Variants in PTK2 observed in about 807,000 individuals in gnomAD.
PTK2 encodes protein tyrosine kinase 2.
PTK2 carries 45 observed loss-of-function variants against 150.1 expected under a neutral mutation model. That is an observed-to-expected ratio of 0.30 (90% CI 0.24 to 0.38). The LOEUF (loss-of-function observed/expected upper bound fraction) is 0.38, where lower values mean the gene tolerates loss of function less well. Ranked by LOEUF, PTK2 falls within the 10% of genes least tolerant of loss-of-function variation. The pLI is 1.00. For synonymous variants in PTK2, 432 were observed against 449.2 expected, an observed-to-expected ratio of 0.96 and a Z score of 0.48; for missense variants, 919 against 1,307.3, an observed-to-expected ratio of 0.70 and a Z score of 4.58.
chr8:140,993,859 A>T (rs964523782), intron 1 of PTK2, among the ~76,000 whole-genome samples: 1 of 152,036 alleles, frequency 6.6e-6, no homozygotes, highest in African/African-American at 2.4e-5. Context: ...CTTCCCAGGT[A>T]GCTGGGACTA....
intron 2 of PTK2, chr8:140,892,659 C>A: frequency 2.4e-6 from 1 of 417,266 alleles, no homozygotes; most frequent in Non-Finnish European, 4.6e-6. Flanking sequence ...GGTATAACAG[C>A]ACAGTAAAAG....
Position 140,770,700 on chromosome 8 carries a change from A to T in PTK2, c.1178-6410T>A, listed in dbSNP as rs1305524126. The T allele has an allele frequency of 7.8e-7, 1 of 1,277,744 alleles. No individual in the cohort carries two copies. The highest frequency in any genetic ancestry group is 1.0e-6 in the Non-Finnish European group (1 of 968,074). 79.2% of individuals were successfully genotyped at this position (1,277,744 alleles called of 1,614,324 possible). A position where few individuals can be genotyped will look rare whatever the true frequency, so the allele number is the denominator to read the frequency against. ...TCTGGTTAATAGGAGAGCCTGTGCAAATATGAGTGCAGTACCCGTAGAAGG... is the reference window on the plus strand; with the variant it reads ...TCTGGTTAATAGGAGAGCCTGTGCATATATGAGTGCAGTACCCGTAGAAGG... On this transcript the variant is annotated intron_variant, in intron 14 of 31. Coordinates refer to ENST00000522684, the Ensembl canonical transcript of PTK2.
chr8:140,968,042 T>A (rs544614319), intron 1 of PTK2, among the ~76,000 whole-genome samples: 2 of 152,286 alleles, frequency 1.3e-5, no homozygotes, highest in Admixed American at 1.3e-4. Flanking sequence ...TAGCCAAAAA[T>A]ATTCTAATAC....
chr8:140,850,666 C>T (rs1462000492), intron 5 of PTK2, among the ~76,000 whole-genome samples: 1 of 151,224 alleles, frequency 6.6e-6, no homozygotes. Context: ...GGAGGCGGAG[C>T]TTGCAGTGAG....
chr8:140,779,831 C>A (rs2100080662), intron 14 of PTK2, among the ~76,000 whole-genome samples: 1 of 151,946 alleles, frequency 6.6e-6, no homozygotes, highest in African/African-American at 2.4e-5. Context: ...TTGACCATAC[C>A]TCTCAATTCT....
At chr8:140,812,301 A>G (rs566546921) in intron 10 of PTK2, among the ~76,000 whole-genome samples, 1 of 152,306 alleles carries the variant, frequency 6.6e-6, no homozygotes, top group African/African-American at 2.4e-5. Context: ...CAGCCAAACT[A>G]AGCTTCATAA....
Position 140,846,590 on chromosome 8 carries a change from T to C in PTK2, c.530+9A>G, listed in dbSNP as rs777601164. On this transcript the variant is annotated intron_variant, in intron 6 of 31. Transcript: ENST00000522684. ...AAATAAAGGCCGCAATGTATAGTTA[T>C]CATCTTACCGTATTTCTAGACAACC... 6.3e-6 allele frequency: 10 copies of C among 1,586,212 alleles called. No individual in the cohort carries two copies. The South Asian group carries it at 7.8e-5, about 12-fold the overall frequency.
intron 20 of PTK2, among the ~76,000 whole-genome samples, chr8:140,741,246 T>C (rs1192203811): frequency 1.3e-5 from 2 of 151,626 alleles, no homozygotes; most frequent in African/African-American, 2.4e-5. Flanking sequence ...GGTCAGGAGA[T>C]TGAGACCATC....
chr8:140,723,570 AAGG>A (rs1365430594), intron 22 of PTK2, among the ~76,000 whole-genome samples: 1 of 152,232 alleles, frequency 6.6e-6, no homozygotes, highest in South Asian at 2.1e-4. Flanking sequence ...GCAGAGTATC[AAGG>A]AGGTCAAACT....
At chr8:140,663,118 G>A in intron 31 of PTK2, 3 of 200,944 alleles carry the variant, frequency 1.5e-5, no homozygotes, top group Non-Finnish European at 3.0e-5. Flanking sequence ...ATTGTGTGGT[G>A]GTTATGTAGG....
chr8:140,779,284 T>TGGA (rs2100080329), intron 14 of PTK2, among the ~76,000 whole-genome samples: 1 of 149,636 alleles, frequency 6.7e-6, no homozygotes, highest in Non-Finnish European at 1.5e-5. Context: ...GAAGACATGC[T>TGGA]GGAGGAATTG....
chr8:140,799,274 C>T (rs2100093537), intron 12 of PTK2: 1 of 152,338 alleles, frequency 6.6e-6, no homozygotes, highest in Non-Finnish European at 1.5e-5. Context: ...GAGCACTTCC[C>T]TGCTGGGCAA....
chr8:140,681,141 G>T (rs2100016674), intron 27 of PTK2, among the ~76,000 whole-genome samples: 1 of 151,834 alleles, frequency 6.6e-6, no homozygotes. Flanking sequence ...AAGGCGAGTG[G>T]ATCACTGGAG....
intron 14 of PTK2, among the ~76,000 whole-genome samples, chr8:140,776,490 T>G (rs961697527): frequency 6.6e-6 from 1 of 152,286 alleles, no homozygotes; most frequent in Admixed American, 6.5e-5. Context: ...TAGGCAAAAT[T>G]AATATAAGTA....
At chr8:140,993,549 A>G (rs1012409213) in intron 1 of PTK2, among the ~76,000 whole-genome samples, 3 of 152,222 alleles carry the variant, frequency 2.0e-5, no homozygotes, top group African/African-American at 4.8e-5. Flanking sequence ...TATGTAACAC[A>G]TAAAACTGTT....
chr8:140,838,122 T>C (rs573966482), intron 7 of PTK2, among the ~76,000 whole-genome samples: 1 of 152,180 alleles, frequency 6.6e-6, no homozygotes, highest in African/African-American at 2.4e-5. Context: ...ACAACTGAGT[T>C]TGACTTTAAA....
intron 22 of PTK2, chr8:140,718,858 C>G (rs1374366151): frequency 6.6e-6 from 1 of 152,116 alleles, no homozygotes; most frequent in East Asian, 1.9e-4. Flanking sequence ...ATCCCCAAAA[C>G]AAAAGGGAAT....
At chr8:140,794,289 T>A (rs1395599090) in intron 12 of PTK2, among the ~76,000 whole-genome samples, 2 of 152,166 alleles carry the variant, frequency 1.3e-5, no homozygotes. Flanking sequence ...CTGCTTCACT[T>A]CTCTCAGCAC....
At chr8:140,804,448 C>A (rs1237464065) in intron 10 of PTK2, among the ~76,000 whole-genome samples, 1 of 151,828 alleles carries the variant, frequency 6.6e-6, no homozygotes, top group Non-Finnish European at 1.5e-5. Context: ...AATAACCAGG[C>A]ATGGTGGTCT....
Sources: gnomAD v4.1 joint callset for allele counts (sites outside exome capture counted in the v4.1 genomes callset) on GRCh38, gnomAD v4.1.1 for gene constraint, MANE v1.5 for transcripts, NCBI Gene and HGNC (gene_info 2026-07-23, HGNC 2026-07-21) for gene names.